MGMT: variants seen among roughly 807,000 people sequenced by gnomAD.
MGMT encodes the protein methylated-DNA--protein-cysteine methyltransferase.
MGMT carries 14 observed loss-of-function variants against 15.9 expected under a neutral mutation model. The observed-to-expected ratio is 0.88, with a 90% CI of 0.58 to 1.37. MGMT has a LOEUF of 1.37. Ranked by LOEUF, MGMT falls within the 40% of genes most tolerant of loss-of-function variation. The pLI, the probability that MGMT is intolerant of heterozygous loss-of-function variation, is 0.00. For missense variants in MGMT, 282 were observed against 268.1 expected (o/e 1.05, Z -0.36); for synonymous variants, 130 against 118.2 (o/e 1.10, Z -0.65).
rs1848975890 is a variant in MGMT at position 129,769,363 on chromosome 10, G to A, written c.*2366G>A. 6.6e-6 allele frequency: 1 copy of A among 152,208 alleles called. No individual in the cohort carries two copies. Among genetic ancestry groups the A allele is most frequent in the African/African-American group, 2.4e-5 (1 of 41,434 alleles). 9.4% of individuals were successfully genotyped at this position (152,208 alleles called of 1,614,324 possible). On this transcript the variant is annotated 3_prime_UTR_variant, in exon 5 of 5. Coordinates refer to ENST00000651593, the MANE Select transcript of MGMT (RefSeq NM_002412.5). Reference sequence around the variant, plus strand: ...GCCTCCAAGCTGCAGCGCCGTTCGTGAAAATACAGAGGGAGAGGGAAGGCA... The same window carrying A: ...GCCTCCAAGCTGCAGCGCCGTTCGTAAAAATACAGAGGGAGAGGGAAGGCA...
rs1847572002 is a variant in MGMT at position 129,659,514 on chromosome 10, G to T, written c.126-48381G>T. 6.6e-6 allele frequency among the ~76,000 whole-genome samples: 1 copy of T among 152,152 alleles called. No individual in the cohort carries two copies. Among genetic ancestry groups the T allele is most frequent in the South Asian group, 2.1e-4 (1 of 4,832 alleles). ...CTGGAGAACACAGGCCATTGTACCT[G>T]CTCATGAGAACAGAAGTGAAAGTCA... On this transcript the variant is annotated intron_variant, in intron 2 of 4. Coordinates refer to ENST00000651593, the MANE Select transcript of MGMT (RefSeq NM_002412.5). This position sits in a 1 kb window ranked among gnomAD's most constrained non-coding sequence, Gnocchi z 4.1.
chr10:129,493,491 A>G (rs1845490387), intron 1 of MGMT, among the ~76,000 whole-genome samples: 2 of 152,218 alleles, frequency 1.3e-5, no homozygotes, highest in African/African-American at 4.8e-5. Context: ...TATCTAGTGC[A>G]TCGTAGTCCC....
intron 4 of MGMT, among the ~76,000 whole-genome samples, chr10:129,764,635 A>C (rs1848912217): frequency 6.6e-6 from 1 of 152,244 alleles, no homozygotes; most frequent in Admixed American, 6.5e-5. Flanking sequence ...GAAGCTGGGC[A>C]TGGGCAGAAA....
At chr10:129,726,164 C>T (rs76747902) in intron 3 of MGMT, among the ~76,000 whole-genome samples, 3,074 of 152,164 alleles carry the variant, frequency 0.02, 116 homozygotes, top group African/African-American at 0.07. Flanking sequence ...TTGTGATCCT[C>T]ATATCCAAGT....
At chr10:129,490,324 A>G (rs1016659214) in intron 1 of MGMT, among the ~76,000 whole-genome samples, 2 of 152,018 alleles carry the variant, frequency 1.3e-5, no homozygotes, top group African/African-American at 4.8e-5. Context: ...AGTGTGGATC[A>G]TGACTTCTAG....
chr10:129,753,280 T>A (rs1431667774), intron 3 of MGMT, among the ~76,000 whole-genome samples: 1 of 152,208 alleles, frequency 6.6e-6, no homozygotes, highest in Non-Finnish European at 1.5e-5. Context: ...AGCAGTTTGA[T>A]CATGATTTAT....
Position 129,726,783 on chromosome 10 carries a change from C to G in MGMT, c.274+18740C>G, listed in dbSNP as rs549507218. Among the ~76,000 whole-genome samples, 11 of 152,256 alleles carry G rather than the reference C, an allele frequency of 7.2e-5. No individual in the cohort carries two copies. In the South Asian group the frequency reaches 1.5e-3, roughly 20 times the overall value. ...GGAGTTTTGACCTAATTAAAAGCAT[C>G]AGAATTAAGTTGCTAAGTTTGAATG... On this transcript the variant is annotated intron_variant, in intron 3 of 4. Coordinates refer to ENST00000651593, the MANE Select transcript of MGMT (RefSeq NM_002412.5).
At chr10:129,653,872 G>C (rs1847493031) in intron 2 of MGMT, among the ~76,000 whole-genome samples, 1 of 152,192 alleles carries the variant, frequency 6.6e-6, no homozygotes, top group Non-Finnish European at 1.5e-5. Context: ...GGCAGGAGAA[G>C]CATGAGGAGG....
At chr10:129,685,447 G>A (rs1047108135) in intron 2 of MGMT, among the ~76,000 whole-genome samples, 4 of 152,084 alleles carry the variant, frequency 2.6e-5, no homozygotes, top group African/African-American at 4.8e-5. Context: ...TAACGTCTCC[G>A]CTGAGCCTGC....
intron 3 of MGMT, among the ~76,000 whole-genome samples, chr10:129,725,250 C>T (rs534001745): frequency 3.3e-5 from 5 of 152,358 alleles, no homozygotes; most frequent in African/African-American, 1.2e-4. Flanking sequence ...ACAGCCCAGG[C>T]AGCTGCTCTC....
At chr10:129,598,109 G>T (rs1272308472) in intron 2 of MGMT, among the ~76,000 whole-genome samples, 2 of 152,182 alleles carry the variant, frequency 1.3e-5, no homozygotes, top group Non-Finnish European at 2.9e-5. Flanking sequence ...CCACGTTCTA[G>T]GCACCGTGGA....
chr10:129,603,369 A>C (rs1846848045), intron 2 of MGMT, among the ~76,000 whole-genome samples: 1 of 152,160 alleles, frequency 6.6e-6, no homozygotes. Flanking sequence ...TGTCTGACTG[A>C]GCGCGTTGGG....
chr10:129,479,484 C>T (rs900194632), intron 1 of MGMT, among the ~76,000 whole-genome samples: 4 of 151,880 alleles, frequency 2.6e-5, no homozygotes, highest in Admixed American at 1.3e-4. Flanking sequence ...CCAAAGTATT[C>T]TGCTCGTTTT....
chr10:129,696,338 A>C (rs1001777211), intron 2 of MGMT, among the ~76,000 whole-genome samples: 1 of 152,210 alleles, frequency 6.6e-6, no homozygotes, highest in Non-Finnish European at 1.5e-5. Context: ...TGGGGAATGG[A>C]ACAGACACAG....
chr10:129,567,431 A>C (rs1013094340), intron 2 of MGMT, among the ~76,000 whole-genome samples: 1 of 152,036 alleles, frequency 6.6e-6, no homozygotes, highest in Non-Finnish European at 1.5e-5. Flanking sequence ...AGCAAGTGCC[A>C]CTGAGCATCC....
chr10:129,473,776 G>A (rs963785338), intron 1 of MGMT, among the ~76,000 whole-genome samples: 1 of 152,244 alleles, frequency 6.6e-6, no homozygotes, highest in Non-Finnish European at 1.5e-5. Flanking sequence ...AAGGCGTTGA[G>A]CCGTAGCTGA....
chr10:129,708,100 C>A (rs1327476810), intron 3 of MGMT, 57 bp downstream of exon 3: 9 of 1,547,844 alleles, frequency 5.8e-6, no homozygotes, highest in Admixed American at 2.0e-5. Flanking sequence ...TATTAACGAT[C>A]GCTGACATCA....
chr10:129,624,533 A>G (rs529065042), intron 2 of MGMT, among the ~76,000 whole-genome samples: 32 of 152,222 alleles, frequency 2.1e-4, no homozygotes, highest in Non-Finnish European at 3.4e-4. Context: ...TACATCCCCA[A>G]TCCATGAAAA....
chr10:129,561,945 G>A (rs1846283862), intron 2 of MGMT, among the ~76,000 whole-genome samples: 1 of 152,116 alleles, frequency 6.6e-6, no homozygotes, highest in Admixed American at 6.6e-5. Flanking sequence ...TAAGAGTTAG[G>A]AACACTTGTA....
Sources: gnomAD v4.1 joint callset for allele counts (sites outside exome capture counted in the v4.1 genomes callset) on GRCh38, gnomAD v4.1.1 for gene constraint, Gnocchi (gnomAD v3.1) non-coding constraint, MANE v1.5 for transcripts, NCBI Gene and HGNC (gene_info 2026-07-23, HGNC 2026-07-21) for gene names.